The following NLN variants were observed in gnomAD, a reference collection of about 807,000 sequenced individuals.
NLN encodes the protein neurolysin, mitochondrial.
Under a neutral mutation model 79.9 loss-of-function variants are expected in NLN, and 64 were observed. The observed-to-expected ratio is 0.80, with a 90% CI of 0.65 to 0.99. NLN has a LOEUF of 0.99. NLN is among the 50% of genes least tolerant of loss of function. The probability of loss-of-function intolerance (pLI) is 0.00; values close to 1 mark genes in which losing one functional copy is unlikely to be tolerated. For synonymous variants in NLN, 267 were observed against 296.6 expected (o/e 0.90, Z 1.02); for missense variants, 835 against 858.7 (o/e 0.97, Z 0.34).
At chr5:65,804,009 AAAG>A (rs939735283) in intron 9 of NLN, among the ~76,000 whole-genome samples, 3 of 152,222 alleles carry the variant, frequency 2.0e-5, no homozygotes, top group East Asian at 1.9e-4. Flanking sequence ...CTTCCAGTAT[AAAG>A]AAGAAGTCAA....
chr5:65,737,695 C>T (rs114073062), intron 1 of NLN, among the ~76,000 whole-genome samples: 146 of 152,148 alleles, frequency 9.6e-4, no homozygotes, highest in African/African-American at 3.4e-3. Context: ...TATTTCAAGC[C>T]CTATATAAAG....
At chr5:65,745,023 T>C (rs958667917) in intron 1 of NLN, among the ~76,000 whole-genome samples, 2 of 152,242 alleles carry the variant, frequency 1.3e-5, no homozygotes, top group Non-Finnish European at 2.9e-5. Flanking sequence ...GAACAGTTCA[T>C]TAAAGGGCTC....
At chr5:65,741,050 T>A (rs923979099) in intron 1 of NLN, 2 of 152,798 alleles carry the variant, frequency 1.3e-5, no homozygotes, top group African/African-American at 4.8e-5. Context: ...GCTAATTTTG[T>A]ATTTTTAGTA....
chr5:65,757,590 A>G (rs944543370), intron 1 of NLN, among the ~76,000 whole-genome samples: 2 of 144,746 alleles, frequency 1.4e-5, no homozygotes, highest in African/African-American at 2.5e-5. Flanking sequence ...CTAAAATTAT[A>G]TGTACTTATA....
intron 3 of NLN, among the ~76,000 whole-genome samples, chr5:65,763,440 G>A (rs1251513914): frequency 6.6e-6 from 1 of 152,150 alleles, no homozygotes; most frequent in Non-Finnish European, 1.5e-5. Context: ...TTGTTTATCT[G>A]TAAATATCTC....
chr5:65,728,353 T>C (rs1469103217), intron 1 of NLN, among the ~76,000 whole-genome samples: 2 of 152,196 alleles, frequency 1.3e-5, no homozygotes. Flanking sequence ...TTGATTAATA[T>C]ACGCCTTTAG....
chr5:65,813,590 T>G (rs1760602964), intron 12 of NLN, among the ~76,000 whole-genome samples: 1 of 152,030 alleles, frequency 6.6e-6, no homozygotes, highest in African/African-American at 2.4e-5. Context: ...CCACCACCTC[T>G]CTCATCTGTC....
At chr5:65,811,782 A>C (rs1463273445) in intron 11 of NLN, among the ~76,000 whole-genome samples, 2 of 152,144 alleles carry the variant, frequency 1.3e-5, no homozygotes, top group African/African-American at 2.4e-5. Flanking sequence ...AGATCTCACC[A>C]CTGTACTCCA....
intron 9 of NLN, among the ~76,000 whole-genome samples, chr5:65,802,789 A>G (rs1204448075): frequency 6.6e-6 from 1 of 152,006 alleles, no homozygotes; most frequent in Non-Finnish European, 1.5e-5. Context: ...CAGAGAGTAG[A>G]CCCTGGAGTG....
Position 65,827,664 on chromosome 5 carries a change from GTATCAAAT to G in NLN, c.*4750_*4757del, listed in dbSNP as rs1314025504. 2.6e-5 allele frequency: 4 copies of G among 152,116 alleles called. No individual in the cohort carries two copies. Among genetic ancestry groups the G allele is most frequent in the African/African-American group, 9.7e-5 (4 of 41,410 alleles). 9.4% of individuals were successfully genotyped at this position (152,116 alleles called of 1,614,324 possible). ...AATGAAAAAAAAGTCCCATAAAAAG[GTATCAAAT>G]GTACAGATAATAGGGCTGGAATTAT... On this transcript the variant is annotated 3_prime_UTR_variant, in exon 13 of 13. Transcript: ENST00000380985.
intron 1 of NLN, among the ~76,000 whole-genome samples, chr5:65,734,776 T>C (rs909054768): frequency 1.3e-5 from 2 of 152,232 alleles, no homozygotes; most frequent in African/African-American, 2.4e-5. Context: ...CTTGCTACAA[T>C]GTATAAGGTC....
chr5:65,821,262 A>G (rs557918114), intron 12 of NLN, among the ~76,000 whole-genome samples: 17 of 152,260 alleles, frequency 1.1e-4, no homozygotes, highest in African/African-American at 3.9e-4. Flanking sequence ...TACCTTTTTA[A>G]TATCATACTA....
At chr5:65,765,816 G>A (rs773144477) in intron 3 of NLN, among the ~76,000 whole-genome samples, 23 of 151,888 alleles carry the variant, frequency 1.5e-4, no homozygotes, top group Admixed American at 1.1e-3. Flanking sequence ...ACTAAAATTA[G>A]GATGCTCTGA....
At chr5:65,727,473 G>T (rs1233900569) in intron 1 of NLN, among the ~76,000 whole-genome samples, 1 of 151,774 alleles carries the variant, frequency 6.6e-6, no homozygotes, top group Non-Finnish European at 1.5e-5. Flanking sequence ...CCTGGCCCAG[G>T]TTCCTTATAT....
rs77676649 is a variant in NLN at position 65,824,910 on chromosome 5, G to A, written c.*1995G>A. 0.11 allele frequency: 16,967 copies of A among 152,222 alleles called. 1,432 individuals are homozygous for A. The highest frequency in any genetic ancestry group is 0.24 in the African/African-American group (9,892 of 41,462). 9.4% of individuals were successfully genotyped at this position (152,222 alleles called of 1,614,324 possible). A position where few individuals can be genotyped will look rare whatever the true frequency, so the allele number is the denominator to read the frequency against. ...CACCTGAGGTCAGAGTTCAAGACCAGCATGGTCAACATGGTGAAACCCTGT... is the reference window on the plus strand; with the variant it reads ...CACCTGAGGTCAGAGTTCAAGACCAACATGGTCAACATGGTGAAACCCTGT... On this transcript the variant is annotated 3_prime_UTR_variant, in exon 13 of 13. Transcript: ENST00000380985.
chr5:65,778,179 T>G (rs920348355), intron 4 of NLN, among the ~76,000 whole-genome samples: 4 of 152,210 alleles, frequency 2.6e-5, no homozygotes, highest in Non-Finnish European at 5.9e-5. Flanking sequence ...CACATGCCCC[T>G]TAAAAGATGA....
At chr5:65,776,016 G>T (rs1379978398) in intron 3 of NLN, among the ~76,000 whole-genome samples, 3 of 152,350 alleles carry the variant, frequency 2.0e-5, no homozygotes, top group African/African-American at 7.2e-5. Context: ...ACTTTGGGAG[G>T]CCGAGGCAGG....
chr5:65,777,054 G>A (rs1425240264), intron 3 of NLN, among the ~76,000 whole-genome samples: 1 of 152,160 alleles, frequency 6.6e-6, no homozygotes, highest in African/African-American at 2.4e-5. Context: ...GCAAATGATA[G>A]AAAATTAAAT....
chr5:65,737,770 A>G (rs899971798), intron 1 of NLN, among the ~76,000 whole-genome samples: 4 of 152,200 alleles, frequency 2.6e-5, no homozygotes, highest in African/African-American at 7.2e-5. Context: ...AGGTAAGCCA[A>G]TTTAGATTTA....
Sources: allele counts gnomAD v4.1 joint callset (sites outside exome capture counted in the v4.1 genomes callset), GRCh38; gene constraint gnomAD v4.1.1; transcripts MANE v1.5; gene names NCBI Gene and HGNC (gene_info 2026-07-23, HGNC 2026-07-21).